Variants in MAP4K4 observed in about 807,000 individuals in gnomAD.
The protein encoded by MAP4K4 is HPK/GCK-like kinase HGK.
In MAP4K4, 38 loss-of-function variants were observed where a neutral mutation model predicts 189.6. That is an observed-to-expected ratio of 0.20 (90% CI 0.15 to 0.26). MAP4K4 has a LOEUF of 0.26. Among genes scored for constraint, MAP4K4 ranks in the 10% least tolerant of loss-of-function variants. The probability of loss-of-function intolerance (pLI) is 1.00; values close to 1 mark genes in which losing one functional copy is unlikely to be tolerated. For missense variants in MAP4K4, 1,054 were observed against 1,726.9 expected, an observed-to-expected ratio of 0.61 and a Z score of 6.91; for synonymous variants, 610 against 624.3, an observed-to-expected ratio of 0.98 and a Z score of 0.34.
intron 2 of MAP4K4, among the ~76,000 whole-genome samples, chr2:101,783,553 G>A (rs909875447): frequency 6.6e-6 from 1 of 152,170 alleles, no homozygotes; most frequent in Non-Finnish European, 1.5e-5. Context: ...TATGGCCTGG[G>A]ATAGAGCCTG....
chr2:101,817,719 G>A (rs1001702007), intron 3 of MAP4K4, among the ~76,000 whole-genome samples: 4 of 152,204 alleles, frequency 2.6e-5, no homozygotes, highest in African/African-American at 9.6e-5. Context: ...TCAGGCCATT[G>A]CATGCTGGGT....
exon 33 of MAP4K4, chr2:101,893,789 AAAGGG>A (rs1195197118): frequency 6.5e-6 from 1 of 153,892 alleles, no homozygotes; most frequent in Non-Finnish European, 1.4e-5. Context: ...CATAGGTGGT[AAAGGG>A]GTCTGAGCTC....
chr2:101,822,287 G>A (rs954242393), intron 3 of MAP4K4, among the ~76,000 whole-genome samples: 1 of 152,210 alleles, frequency 6.6e-6, no homozygotes, highest in Non-Finnish European at 1.5e-5. Flanking sequence ...CACAAACAAT[G>A]TCACTAGGTG....
At position 101,844,085 on chromosome 2, in the gene MAP4K4, C is replaced by G; in HGVS notation, c.1023-16C>G. The stretch of plus-strand genomic sequence containing the variant: ...TGATCGGTGCACACCCCTGAAAGCC[C>G]TGCTTTTTCCAACAGTTCCATTGTG... On this transcript the variant is annotated splice_polypyrimidine_tract_variant and intron_variant, in intron 11 of 32. Transcript: ENST00000324219. The G allele has an allele frequency of 6.2e-7, 1 of 1,600,614 alleles. No homozygotes were observed. Among genetic ancestry groups the G allele is most frequent in the Non-Finnish European group, 8.5e-7 (1 of 1,172,036 alleles).
chr2:101,783,606 T>C (rs2088966539), intron 2 of MAP4K4, among the ~76,000 whole-genome samples: 1 of 152,198 alleles, frequency 6.6e-6, no homozygotes, highest in Non-Finnish European at 1.5e-5. Flanking sequence ...TTTTTGTTAC[T>C]GAAATTGACA....
intron 2 of MAP4K4, among the ~76,000 whole-genome samples, chr2:101,698,817 AT>A (rs2036286843): frequency 6.6e-6 from 1 of 152,198 alleles, no homozygotes; most frequent in South Asian, 2.1e-4. Flanking sequence ...TTTTTTAAAA[AT>A]AAGACAACCT....
intron 11 of MAP4K4, among the ~76,000 whole-genome samples, chr2:101,843,378 ATC>A (rs2096979511): frequency 6.6e-6 from 1 of 152,220 alleles, no homozygotes. Context: ...CTACTGCATA[ATC>A]TCTCTTTCTT....
chr2:101,761,696 C>T (rs998615397), intron 2 of MAP4K4, among the ~76,000 whole-genome samples: 1 of 151,936 alleles, frequency 6.6e-6, no homozygotes, highest in African/African-American at 2.4e-5. Context: ...GCTGGGATTA[C>T]AGGTGCACGC....
chr2:101,758,767 A>G (rs146866526), intron 2 of MAP4K4, among the ~76,000 whole-genome samples: 7 of 152,248 alleles, frequency 4.6e-5, no homozygotes, highest in African/African-American at 1.7e-4. Context: ...AAATAATCAC[A>G]CTCACATCCC....
intron 3 of MAP4K4, among the ~76,000 whole-genome samples, chr2:101,796,700 C>T (rs915616732): frequency 6.6e-5 from 10 of 152,126 alleles, no homozygotes; most frequent in Non-Finnish European, 1.2e-4. Context: ...TTTAAGACTA[C>T]AGTGTCTGTG....
Position 101,698,552 on chromosome 2 carries a change from CCTT to C in MAP4K4, c.123+18_123+20del, listed in dbSNP as rs1432642891. The C allele has an allele frequency of 6.2e-7, 1 of 1,611,754 alleles. No homozygotes were observed. Among genetic ancestry groups the C allele is most frequent in the Non-Finnish European group, 8.5e-7 (1 of 1,178,376 alleles). On this transcript the variant is annotated intron_variant, in intron 2 of 32. Transcript: ENST00000324219. ...CAAGTCTATAAGGTCGGTGTGGGCG[CCTT>C]CTTTGTTTCCCGTGGCATGTGGAAA... is the stretch of plus-strand genomic sequence containing the variant.
chr2:101,757,474 A>G (rs1365492323), intron 2 of MAP4K4, among the ~76,000 whole-genome samples: 1 of 152,220 alleles, frequency 6.6e-6, no homozygotes, highest in African/African-American at 2.4e-5. Flanking sequence ...ACCTGAACCC[A>G]GATCACATTT....
chr2:101,806,040 G>A (rs566720479), intron 3 of MAP4K4, among the ~76,000 whole-genome samples: 19 of 152,220 alleles, frequency 1.2e-4, no homozygotes, highest in Admixed American at 9.2e-4. Flanking sequence ...GCAAGCCTGC[G>A]TTCTTGCCCC....
intron 2 of MAP4K4, among the ~76,000 whole-genome samples, chr2:101,748,104 G>A (rs1574819390): frequency 1.3e-5 from 2 of 152,322 alleles, no homozygotes; most frequent in East Asian, 3.9e-4. Context: ...CACAACTCCA[G>A]TCTCTGGTGT....
intron 3 of MAP4K4, chr2:101,797,459 T>A: frequency 8.5e-7 from 1 of 1,182,002 alleles, no homozygotes; most frequent in South Asian, 1.3e-5. Context: ...TATCTTCTTA[T>A]CTTCTGCTTT....
intron 2 of MAP4K4, among the ~76,000 whole-genome samples, chr2:101,726,669 G>A (rs996892320): frequency 7.2e-5 from 11 of 152,142 alleles, no homozygotes; most frequent in African/African-American, 2.7e-4. Flanking sequence ...GACTTAAAGA[G>A]CCTTAATGGA....
At chr2:101,769,835 G>A (rs944830522) in intron 2 of MAP4K4, among the ~76,000 whole-genome samples, 4 of 152,080 alleles carry the variant, frequency 2.6e-5, no homozygotes, top group East Asian at 3.9e-4. Context: ...ACCCACCTTG[G>A]CCTCCTAGAG....
At chr2:101,781,298 C>T (rs1470793431) in intron 2 of MAP4K4, among the ~76,000 whole-genome samples, 1 of 152,178 alleles carries the variant, frequency 6.6e-6, no homozygotes, top group African/African-American at 2.4e-5. Context: ...CCAGATGTCT[C>T]TAAAACTCTT....
chr2:101,698,286 C>T (rs939678616), intron 1 of MAP4K4, 149 bp downstream of exon 1: 1 of 537,992 alleles, frequency 1.9e-6, no homozygotes, highest in East Asian at 4.4e-5. Context: ...CGGGCTGGTG[C>T]GGGGCGGGCG....
Sources: gnomAD v4.1 joint callset for allele counts (sites outside exome capture counted in the v4.1 genomes callset) on GRCh38, gnomAD v4.1.1 for gene constraint, MANE v1.5 for transcripts, NCBI Gene and HGNC (gene_info 2026-07-23, HGNC 2026-07-21) for gene names.